TMEM131: variants seen among roughly 807,000 people sequenced by gnomAD.
TMEM131 encodes transmembrane protein 131.
In TMEM131, 66 loss-of-function variants were observed where a neutral mutation model predicts 211.6. That is an observed-to-expected ratio of 0.31 (90% CI 0.26 to 0.38). The LOEUF is 0.38. Among genes scored for constraint, TMEM131 ranks in the 10% least tolerant of loss-of-function variants. The probability of loss-of-function intolerance (pLI) is 1.00; values close to 1 mark genes in which losing one functional copy is unlikely to be tolerated. For synonymous variants in TMEM131, 844 were observed against 841.3 expected (o/e 1.00, Z -0.06); for missense variants, 2,036 against 2,299.3 (o/e 0.89, Z 2.34).
At chr2:97,827,211 C>A in intron 11 of TMEM131, 1 of 721,262 alleles carries the variant, frequency 1.4e-6, no homozygotes, top group East Asian at 2.6e-5. Flanking sequence ...GCGCCGCGGC[C>A]CGCAGGCACC....
intron 33 of TMEM131, among the ~76,000 whole-genome samples, chr2:97,768,316 C>G (rs1679286473): frequency 6.6e-6 from 1 of 152,160 alleles, no homozygotes; most frequent in African/African-American, 2.4e-5. Context: ...AAAAACCCAT[C>G]TTCTAAAAAA....
rs767628266 is a variant in TMEM131, at chr2:97,815,270, T to C, written c.1221A>G (p.Lys407=). 6.3e-7 allele frequency: 1 copy of C among 1,575,340 alleles called. No homozygotes were observed. Among genetic ancestry groups the C allele is most frequent in the South Asian group, 1.2e-5 (1 of 82,292 alleles). ...KAKKPSQFSG[K]ITVKAKEKSY... is the part of the protein sequence containing the mutation. ...TCTTTTCCTTTGCTTTAACTGTTAT[T>C]TTCCCAGAAAACTGAGATGGCTTTT... The change falls in exon 13 of 41, where the codon AAA becomes AAG. Residue 407 remains lysine, a synonymous_variant. Coordinates refer to ENST00000186436, the MANE Select transcript of TMEM131 (RefSeq NM_015348.2).
At chr2:97,880,773 G>A (rs1039503347) in intron 4 of TMEM131, among the ~76,000 whole-genome samples, 10 of 152,282 alleles carry the variant, frequency 6.6e-5, no homozygotes, top group Middle Eastern at 3.4e-3. Flanking sequence ...GTAAGAAAGC[G>A]CAGAGTTGGT....
intron 1 of TMEM131, among the ~76,000 whole-genome samples, chr2:97,959,748 C>T (rs779377258): frequency 2.0e-5 from 3 of 152,108 alleles, no homozygotes; most frequent in Non-Finnish European, 4.4e-5. Context: ...AAAATACAGT[C>T]GGTATTTAAG....
intron 4 of TMEM131, among the ~76,000 whole-genome samples, chr2:97,874,431 C>A (rs773788938): frequency 3.3e-5 from 5 of 152,162 alleles, no homozygotes; most frequent in Non-Finnish European, 7.3e-5. Context: ...GTCAGATTCA[C>A]CAAGGTTGAA....
At chr2:97,922,638 T>G (rs1437339563) in intron 2 of TMEM131, among the ~76,000 whole-genome samples, 1 of 152,130 alleles carries the variant, frequency 6.6e-6, no homozygotes, top group Admixed American at 6.5e-5. Context: ...ACAAACTGTA[T>G]GAACTTCAAA....
intron 5 of TMEM131, among the ~76,000 whole-genome samples, chr2:97,856,182 C>T (rs1673838356): frequency 6.6e-6 from 1 of 152,020 alleles, no homozygotes; most frequent in Non-Finnish European, 1.5e-5. Context: ...TTTTCTGATG[C>T]AAAACATATA....
At chr2:97,805,285 GA>G in intron 21 of TMEM131, 80 bp from the exon 22 acceptor site, 1 of 1,558,104 alleles carries the variant, frequency 6.4e-7, no homozygotes. Context: ...AGTAACAAAA[GA>G]CAGCAATGTA....
At chr2:97,830,148 A>C (rs1317318757) in intron 11 of TMEM131, among the ~76,000 whole-genome samples, 1 of 150,644 alleles carries the variant, frequency 6.6e-6, no homozygotes, top group Non-Finnish European at 1.5e-5. Context: ...AAAAAAAAAA[A>C]AAAAAAAACC....
chr2:97,924,970 C>T (rs1419767413), intron 2 of TMEM131, among the ~76,000 whole-genome samples: 1 of 152,146 alleles, frequency 6.6e-6, no homozygotes, highest in Non-Finnish European at 1.5e-5. Context: ...GTCTCGACCT[C>T]CCAGGCTCAA....
rs2104780729 is a variant in TMEM131, at chr2:97,766,497, T to C, written c.4554A>G (p.Arg1518=). ...PTAMTSGSKS[R]NAQKTKGTSK... is the part of the protein sequence containing the mutation. ...CAATACCTTTTGTTTTCTGGGCATT[T>C]CGTGATTTGGATCCACTTGTCATTG... Residue 1518 remains arginine, a synonymous_variant, in exon 34 of 41, where the codon CGA becomes CGG. Coordinates refer to ENST00000186436, the MANE Select transcript of TMEM131 (RefSeq NM_015348.2). 1 of 1,614,008 alleles carries C rather than the reference T, an allele frequency of 6.2e-7. No individual in the cohort carries two copies. Among genetic ancestry groups the C allele is most frequent in the East Asian group, 2.2e-5 (1 of 44,876 alleles).
At chr2:97,885,253 A>C (rs1010054204) in intron 4 of TMEM131, among the ~76,000 whole-genome samples, 4 of 149,984 alleles carry the variant, frequency 2.7e-5, no homozygotes, top group Admixed American at 6.6e-5. Context: ...CCTGGAGGGC[A>C]GTGGCGCGAT....
At chr2:97,955,151 G>A (rs1042338456) in intron 1 of TMEM131, among the ~76,000 whole-genome samples, 1 of 151,630 alleles carries the variant, frequency 6.6e-6, no homozygotes, top group African/African-American at 2.4e-5. Flanking sequence ...GAATTTATCC[G>A]AAATATGCAA....
chr2:97,835,844 G>C (rs1266158201), intron 8 of TMEM131, among the ~76,000 whole-genome samples: 1 of 152,102 alleles, frequency 6.6e-6, no homozygotes, highest in Non-Finnish European at 1.5e-5. Flanking sequence ...TCTCAGTCTA[G>C]GTTTGTAGGA....
chr2:97,988,245 T>A (rs1186184370), intron 1 of TMEM131, among the ~76,000 whole-genome samples: 1 of 152,192 alleles, frequency 6.6e-6, no homozygotes, highest in East Asian at 1.9e-4. Context: ...CTGGAGAAAC[T>A]GGATATCCAC....
At chr2:97,925,195 A>T (rs1403955554) in intron 2 of TMEM131, among the ~76,000 whole-genome samples, 1 of 152,160 alleles carries the variant, frequency 6.6e-6, no homozygotes. Context: ...TTTTAAAAAG[A>T]AAGTTAGATT....
Position 97,772,441 on chromosome 2 carries a change from C to CT in TMEM131, c.4321-18dup. On this transcript the variant is annotated splice_polypyrimidine_tract_variant and intron_variant, in intron 32 of 40. Transcript: ENST00000186436. Reference sequence around the variant, plus strand: ...TTCTGTATCCTGTAAAAAATGGACACTTAATTGCTGAGAAGGATTAATAAA... The same window carrying CT: ...TTCTGTATCCTGTAAAAAATGGACACTTTAATTGCTGAGAAGGATTAATAAA... 1 of 1,605,412 alleles carries CT rather than the reference C, an allele frequency of 6.2e-7. No homozygotes were observed. The highest frequency in any genetic ancestry group is 8.5e-7 in the Non-Finnish European group (1 of 1,177,672).
At chr2:97,954,266 T>TA (rs1410245970) in intron 1 of TMEM131, among the ~76,000 whole-genome samples, 1 of 152,142 alleles carries the variant, frequency 6.6e-6, no homozygotes, top group Non-Finnish European at 1.5e-5. Context: ...GAAAAGGCTC[T>TA]AGCAAGACTG....
chr2:97,808,667 G>A (rs944684683), intron 19 of TMEM131, among the ~76,000 whole-genome samples: 9 of 152,326 alleles, frequency 5.9e-5, no homozygotes, highest in Admixed American at 2.0e-4. Context: ...CTATTGGGAA[G>A]AAACGATCTC....
Sources: allele counts gnomAD v4.1 joint callset (sites outside exome capture counted in the v4.1 genomes callset), GRCh38; gene constraint gnomAD v4.1.1; transcripts MANE v1.5; gene names NCBI Gene and HGNC (gene_info 2026-07-23, HGNC 2026-07-21).